SUPT3H: variants seen among roughly 807,000 people sequenced by gnomAD.
The protein encoded by SUPT3H is transcription initiation protein SPT3 homolog.
In SUPT3H, 44 loss-of-function variants were observed where a neutral mutation model predicts 44.3. The observed-to-expected ratio is 0.99, with a 90% CI of 0.78 to 1.28. SUPT3H has a LOEUF of 1.28. SUPT3H is among the 50% of genes most tolerant of loss of function. The pLI is 0.00. For missense variants in SUPT3H, 380 were observed against 387.1 expected (o/e 0.98, Z 0.15); for synonymous variants, 124 against 125.6 (o/e 0.99, Z 0.09).
intron 3 of SUPT3H, among the ~76,000 whole-genome samples, chr6:45,104,054 C>T (rs1434278539): frequency 1.3e-5 from 2 of 151,864 alleles, no homozygotes; most frequent in African/African-American, 4.8e-5. Context: ...ATCATTAGCA[C>T]AGCTGTACTA....
intron 2 of SUPT3H, among the ~76,000 whole-genome samples, chr6:45,120,809 A>T (rs1801553227): frequency 6.6e-6 from 1 of 152,210 alleles, no homozygotes; most frequent in African/African-American, 2.4e-5. Flanking sequence ...GGGGAACTCC[A>T]TAGTGTCTTT....
chr6:45,260,917 C>T (rs533519341), intron 2 of SUPT3H, among the ~76,000 whole-genome samples: 1 of 152,234 alleles, frequency 6.6e-6, no homozygotes, highest in African/African-American at 2.4e-5. Flanking sequence ...GTCAGGTGTC[C>T]TGGTCCAATT....
Position 45,093,113 on chromosome 6 carries a change from T to C in SUPT3H, c.186+12809A>G, listed in dbSNP as rs966319308. ...AAACATCGCAATGGATGTGAAGAGT[T>C]CATATCAGAATCTAAAGGGATAAAA... On this transcript the variant is annotated intron_variant, in intron 3 of 10. Coordinates refer to ENST00000371459, the MANE Select transcript of SUPT3H (RefSeq NM_003599.4). Among the ~76,000 whole-genome samples the C allele has an allele frequency of 2.0e-5, 3 of 152,180 alleles. No homozygotes were observed. The East Asian group carries it at 5.8e-4, about 29-fold the overall frequency.
intron 10 of SUPT3H, among the ~76,000 whole-genome samples, chr6:44,846,997 G>A (rs774305813): frequency 1.6e-4 from 25 of 152,168 alleles, no homozygotes; most frequent in Non-Finnish European, 2.8e-4. Flanking sequence ...AAGGCTTACC[G>A]TTTGACTTTC....
intron 9 of SUPT3H, among the ~76,000 whole-genome samples, chr6:44,934,799 A>C (rs116309285): frequency 6.6e-6 from 1 of 152,166 alleles, no homozygotes; most frequent in African/African-American, 2.4e-5. Flanking sequence ...ACTATAAGAA[A>C]TACATTCCTA....
intron 5 of SUPT3H, among the ~76,000 whole-genome samples, chr6:45,007,906 C>G (rs190582204): frequency 1.3e-5 from 2 of 152,056 alleles, no homozygotes; most frequent in African/African-American, 4.8e-5. Flanking sequence ...TTTGCCTATT[C>G]CAGACATTTC....
At chr6:45,253,848 C>T (rs866247206) in intron 2 of SUPT3H, among the ~76,000 whole-genome samples, 2 of 88,748 alleles carry the variant, frequency 2.3e-5, no homozygotes, top group East Asian at 4.7e-4. Flanking sequence ...CACATATACG[C>T]ATATATATAT....
chr6:45,045,800 A>G (rs1789302300), intron 3 of SUPT3H, among the ~76,000 whole-genome samples: 1 of 152,164 alleles, frequency 6.6e-6, no homozygotes, highest in Non-Finnish European at 1.5e-5. Flanking sequence ...AGAGTACTGT[A>G]TATATTCTAA....
intron 2 of SUPT3H, among the ~76,000 whole-genome samples, chr6:45,357,046 G>A (rs1214713582): frequency 2.6e-5 from 4 of 151,594 alleles, no homozygotes; most frequent in South Asian, 2.1e-4. Context: ...TCACTCTGTC[G>A]CCCAGGCTGG....
At chr6:45,173,586 G>T (rs564558257) in intron 2 of SUPT3H, among the ~76,000 whole-genome samples, 2 of 152,192 alleles carry the variant, frequency 1.3e-5, no homozygotes, top group South Asian at 4.1e-4. Flanking sequence ...TTTTATCACT[G>T]ACATCTGACA....
intron 2 of SUPT3H, among the ~76,000 whole-genome samples, chr6:45,182,785 A>G (rs1256900745): frequency 6.6e-6 from 1 of 152,214 alleles, no homozygotes; most frequent in African/African-American, 2.4e-5. Context: ...ATGAGATACA[A>G]CTACATACCT....
chr6:45,219,598 T>C (rs1765660584), intron 2 of SUPT3H, among the ~76,000 whole-genome samples: 1 of 152,142 alleles, frequency 6.6e-6, no homozygotes, highest in Non-Finnish European at 1.5e-5. Flanking sequence ...ATGGATAATA[T>C]GAACTGTCCT....
At chr6:45,312,581 A>T (rs1384740228) in intron 2 of SUPT3H, among the ~76,000 whole-genome samples, 1 of 150,636 alleles carries the variant, frequency 6.6e-6, no homozygotes, top group Non-Finnish European at 1.5e-5. Flanking sequence ...ACAGGAAAAT[A>T]TCATAATCCT....
At chr6:45,006,013 C>T (rs1782667500) in intron 5 of SUPT3H, among the ~76,000 whole-genome samples, 1 of 151,996 alleles carries the variant, frequency 6.6e-6, no homozygotes, top group Non-Finnish European at 1.5e-5. Flanking sequence ...ATTGTGTCTT[C>T]TATAATTATT....
intron 2 of SUPT3H, among the ~76,000 whole-genome samples, chr6:45,342,633 G>A (rs1178352082): frequency 6.6e-6 from 1 of 151,918 alleles, no homozygotes; most frequent in East Asian, 1.9e-4. Context: ...ATAATATAAG[G>A]TTTACACAGT....
intron 2 of SUPT3H, among the ~76,000 whole-genome samples, chr6:45,198,119 A>G (rs936657014): frequency 6.6e-6 from 1 of 151,428 alleles, no homozygotes; most frequent in African/African-American, 2.4e-5. Context: ...ACCCATTTTT[A>G]CTTTAAAATG....
At chr6:45,162,978 T>G (rs1809276529) in intron 2 of SUPT3H, among the ~76,000 whole-genome samples, 1 of 152,154 alleles carries the variant, frequency 6.6e-6, no homozygotes, top group Non-Finnish European at 1.5e-5. Flanking sequence ...GAAGTGACAA[T>G]TATTTTCTTG....
chr6:45,048,358 T>C (rs1294071844), intron 3 of SUPT3H, among the ~76,000 whole-genome samples: 1 of 152,058 alleles, frequency 6.6e-6, no homozygotes, highest in Non-Finnish European at 1.5e-5. Context: ...TCATGGAGCT[T>C]TCCTCCTGTG....
intron 2 of SUPT3H, among the ~76,000 whole-genome samples, chr6:45,295,956 A>T (rs559042284): frequency 6.6e-6 from 1 of 152,126 alleles, no homozygotes; most frequent in African/African-American, 2.4e-5. Flanking sequence ...CTACCATTTG[A>T]TCCAGCAATC....
Sources: allele counts gnomAD v4.1 joint callset (sites outside exome capture counted in the v4.1 genomes callset), GRCh38; gene constraint gnomAD v4.1.1; transcripts MANE v1.5; gene names NCBI Gene and HGNC (gene_info 2026-07-23, HGNC 2026-07-21).